Variants in FN1 observed in about 807,000 individuals in gnomAD.
FN1 encodes fibronectin.
In FN1, 106 loss-of-function variants were observed where a neutral mutation model predicts 297.3. That is an observed-to-expected ratio of 0.36 (90% CI 0.30 to 0.42). The LOEUF (loss-of-function observed/expected upper bound fraction) is 0.42, where lower values mean the gene tolerates loss of function less well. Among genes scored for constraint, FN1 ranks in the 10% least tolerant of loss-of-function variants. The pLI, the probability that FN1 is intolerant of heterozygous loss-of-function variation, is 1.00. For missense variants in FN1, 2,690 were observed against 3,124.9 expected (o/e 0.86, Z 3.32); for synonymous variants, 1,149 against 1,152.6 (o/e 1.00, Z 0.06).
intron 19 of FN1, 98 bp downstream of exon 19, chr2:215,406,140 G>T: frequency 8.1e-7 from 1 of 1,227,876 alleles, no homozygotes; most frequent in Non-Finnish European, 1.2e-6. Flanking sequence ...CTCTCTCTAA[G>T]CCATACACCT....
At chr2:215,394,460 A>C in intron 24 of FN1, 68 bp downstream of exon 24, 1 of 1,283,746 alleles carries the variant, frequency 7.8e-7, no homozygotes, top group Non-Finnish European at 1.1e-6. Flanking sequence ...GCATCTGGGG[A>C]TTAAGATGCT....
chr2:215,365,546 G>A lies in FN1; in HGVS notation c.7103C>T (p.Thr2368Ile). The change falls in exon 43 of 46, where the codon ACA becomes ATA. Residue 2368 changes from threonine to isoleucine, a missense_variant. Thr to Ile is a moderately conservative substitution (Grantham distance 89). Coordinates refer to ENST00000354785, the MANE Select transcript of FN1 (RefSeq NM_212482.4). ...QGENGQMMSC[T>I]CLGNGKGEFK... The stretch of plus-strand genomic sequence containing the variant: ...TTCTCCTTTTCCGTTCCCAAGACAT[G>A]TGCAGCTCATCATCTGGCCATTTTC... 6.2e-7 allele frequency: 1 copy of A among 1,614,060 alleles called. No homozygotes were observed. Among genetic ancestry groups the A allele is most frequent in the Non-Finnish European group, 8.5e-7 (1 of 1,179,922 alleles).
At chr2:215,433,595 G>A (rs1186586382) in intron 2 of FN1, 134 bp from the exon 3 acceptor site, 4 of 887,028 alleles carry the variant, frequency 4.5e-6, no homozygotes, top group Non-Finnish European at 5.4e-6. Flanking sequence ...AAAATGAAGT[G>A]AGAGATACAG....
In FN1 at chr2:215,428,327, C is replaced by T. The variant is rs759240555; in HGVS notation, c.697G>A (p.Asp233Asn). The change falls in exon 6 of 46, where the codon GAT becomes AAT. Residue 233 changes from aspartate (D) to asparagine (N), a missense_variant. Physicochemically the swap from Asp to Asn is conservative, Grantham distance 23. Around this residue, in one of 3 missense-constraint regions of FN1, gnomAD observed 876 missense variants for 1,058.1 expected, o/e 0.83. Coordinates refer to ENST00000354785, the MANE Select transcript of FN1 (RefSeq NM_212482.4). ...ITCTSRNRCNDQDTRTSYRIG... is the reference protein window; with the variant it reads ...ITCTSRNRCNNQDTRTSYRIG... ...CTATAGGATGTCCTTGTGTCCTGAT[C>T]GTTGCATCTATCTGTGTCACAAAGG... is the stretch of plus-strand genomic sequence containing the variant. The T allele has an allele frequency of 6.2e-6, 10 of 1,613,914 alleles. No homozygotes were observed. The South Asian group carries it at 6.6e-5, about 11-fold the overall frequency.
At position 215,428,516 on chromosome 2, in the gene FN1, G is replaced by C. The variant is rs535174525; in HGVS notation, c.686-178C>G. ...AAGATGAAATTACATTTGTTACAGT[G>C]GAAAGGCAGCTGAATGGTTTAGTCT... On this transcript the variant is annotated intron_variant, in intron 5 of 45. Coordinates refer to ENST00000354785, the MANE Select transcript of FN1 (RefSeq NM_212482.4). Among the ~76,000 whole-genome samples the C allele has an allele frequency of 2.0e-4, 31 of 152,302 alleles. No homozygotes were observed. The South Asian group carries it at 4.6e-3, about 22-fold the overall frequency.
intron 40 of FN1, 115 bp from the exon 41 acceptor site, chr2:215,370,547 C>CAAAAAAAAAA: frequency 6.8e-6 from 2 of 295,916 alleles, no homozygotes; most frequent in Non-Finnish European, 1.1e-5. Context: ...AGACAAAAAA[C>CAAAAAAAAAA]AAAAAACAAA....
At chr2:215,394,968 A>AT (rs1233084160) in intron 23 of FN1, among the ~76,000 whole-genome samples, 1 of 152,030 alleles carries the variant, frequency 6.6e-6, no homozygotes, top group Non-Finnish European at 1.5e-5. Flanking sequence ...CAGCGGTGTG[A>AT]TCTTGGCTCA....
In FN1 at chr2:215,391,642, C is replaced by A; in HGVS notation, c.4242G>T (p.Val1414=). 1 of 1,612,912 alleles carries A rather than the reference C, an allele frequency of 6.2e-7. No individual in the cohort carries two copies. Among genetic ancestry groups the A allele is most frequent in the South Asian group, 1.1e-5 (1 of 91,038 alleles). ...CATTCAACTGCTTACTTGTTAAGAC[C>A]ACTGCATTGTCTGAAGGAGAAATTG... ...ELSISPSDNA[V]VLTNLLPGTE... is the part of the protein sequence containing the mutation. The change falls in exon 26 of 46, where the codon GTG becomes GTT. Residue 1414 remains valine, a synonymous_variant. Coordinates refer to ENST00000354785, the MANE Select transcript of FN1 (RefSeq NM_212482.4).
chr2:215,403,714 T>A lies in FN1; in HGVS notation c.3253+675A>T, dbSNP rs114482201. Among the ~76,000 whole-genome samples the A allele has an allele frequency of 6.3e-3, 959 of 152,302 alleles. 7 individuals are homozygous for A. The highest frequency in any genetic ancestry group is 0.022 in the African/African-American group (904 of 41,574). Reference sequence around the variant, plus strand: ...TCCTTTAAAATGTTGAGCAAAAGGATAGACATGACCAAAAATTATTGTTAG... The same window carrying A: ...TCCTTTAAAATGTTGAGCAAAAGGAAAGACATGACCAAAAATTATTGTTAG... On this transcript the variant is annotated intron_variant, in intron 20 of 45. Coordinates refer to ENST00000354785, the MANE Select transcript of FN1 (RefSeq NM_212482.4).
rs1002425329 is a variant in FN1, at chr2:215,373,552, A to G, written c.6158-141T>C. The G allele has an allele frequency of 9.9e-6, 7 of 710,496 alleles. No homozygotes were observed. The East Asian group carries it at 1.3e-4, about 14-fold the overall frequency. 44.0% of individuals were successfully genotyped at this position (710,496 alleles called of 1,614,324 possible). On this transcript the variant is annotated intron_variant, in intron 38 of 45. Transcript: ENST00000354785. ...GCCTCTTGAAGGTAAAATCGACTTC[A>G]CTTTTCCTCCATAAACACCCAAATA... is the stretch of plus-strand genomic sequence containing the variant.
intron 40 of FN1, among the ~76,000 whole-genome samples, chr2:215,371,272 A>G (rs921900560): frequency 1.1e-4 from 9 of 82,856 alleles, no homozygotes; most frequent in African/African-American, 2.1e-4. Context: ...CATCTCGGGG[A>G]AAAAAAAAAA....
chr2:215,382,423 G>T, intron 31 of FN1, 98 bp from the exon 32 acceptor site: 2 of 757,488 alleles, frequency 2.6e-6, no homozygotes, highest in Non-Finnish European at 4.7e-6. Context: ...TGGTGGCCTA[G>T]AATTTTTATT....
In FN1 at chr2:215,368,035, G is replaced by T; in HGVS notation, c.6854-8C>A. 1.2e-6 allele frequency: 2 copies of T among 1,614,018 alleles called. No individual in the cohort carries two copies. On this transcript the variant is annotated splice_polypyrimidine_tract_variant and splice_region_variant and intron_variant, in intron 41 of 45. Coordinates refer to ENST00000354785, the MANE Select transcript of FN1 (RefSeq NM_212482.4). Reference sequence around the variant, plus strand: ...GGTTCAAGCCTTCGTTGACTATGAAGAAAAGGAAGAAAAAGCAAAAAGAGA... The same window carrying T: ...GGTTCAAGCCTTCGTTGACTATGAATAAAAGGAAGAAAAAGCAAAAAGAGA...
In FN1 at chr2:215,379,171, G is replaced by C; in HGVS notation, c.5581C>G (p.Leu1861Val). The C allele has an allele frequency of 6.2e-7, 1 of 1,614,086 alleles. No individual in the cohort carries two copies. Among genetic ancestry groups the C allele is most frequent in the Non-Finnish European group, 8.5e-7 (1 of 1,180,002 alleles). ...EKTGPMKEIN[L>V]APDSSSVVVS... ...ACCACGGATGAGCTGTCAGGAGCAA[G>C]GTTGATTTCTTTCATTGGTCCGGTC... The change falls in exon 34 of 46, where the codon CTT becomes GTT. Residue 1861 changes from leucine to valine, a missense_variant. Leu to Val is a conservative substitution (Grantham distance 32). Around this residue, in one of 3 missense-constraint regions of FN1, gnomAD observed 1,743 missense variants for 1,945.2 expected, o/e 0.90. Transcript: ENST00000354785.
intron 5 of FN1, 127 bp downstream of exon 5, chr2:215,430,588 C>T: frequency 9.2e-7 from 1 of 1,088,646 alleles, no homozygotes; most frequent in Non-Finnish European, 1.4e-6. Context: ...GTTTTCTTGA[C>T]TTCCAGAAGT....
At chr2:215,434,912 TA>T in intron 1 of FN1, 88 bp from the exon 2 acceptor site, 2 of 1,416,562 alleles carry the variant, frequency 1.4e-6, no homozygotes, top group Non-Finnish European at 9.9e-7. Flanking sequence ...TTGACGTACA[TA>T]TTTTTTTCCT....
At chr2:215,430,889 GTTA>G (rs756604223) in intron 4 of FN1, 37 bp from the exon 5 acceptor site, 2 of 1,611,038 alleles carry the variant, frequency 1.2e-6, no homozygotes, top group South Asian at 2.2e-5. Context: ...GGAAAAAAAG[GTTA>G]TTTTGAATTG....
chr2:215,432,035 C>A, intron 3 of FN1, 71 bp from the exon 4 acceptor site: 1 of 1,594,158 alleles, frequency 6.3e-7, no homozygotes, highest in Non-Finnish European at 8.6e-7. Context: ...ATATTCCACC[C>A]ATGGTAGGTA....
chr2:215,370,351 G>C lies in FN1; in HGVS notation c.6796C>G (p.Leu2266Val), dbSNP rs758931869. ...ACCTTATGCCTCTGCTGGTCTTTCA[G>C]TGCCTCCACTATGACGTTGTAGGTG... ...GATYNVIVEA[L>V]KDQQRHKVRE... Residue 2266 changes from leucine to valine, a missense_variant, in exon 41 of 46, where the codon CTG becomes GTG. By Grantham distance (32) the Leu-to-Val change is conservative. Coordinates refer to ENST00000354785, the MANE Select transcript of FN1 (RefSeq NM_212482.4). 6 of 1,613,806 alleles carry C rather than the reference G, an allele frequency of 3.7e-6. No individual in the cohort carries two copies. The highest frequency in any genetic ancestry group is 4.2e-6 in the Non-Finnish European group (5 of 1,179,990).
Sources: gnomAD v4.1 joint callset for allele counts (sites outside exome capture counted in the v4.1 genomes callset) on GRCh38, gnomAD v4.1.1 for gene constraint, gnomAD v4.1.1 regional missense constraint, MANE v1.5 for transcripts, NCBI Gene and HGNC (gene_info 2026-07-23, HGNC 2026-07-21) for gene names.